Variants in PRKAR1A observed in about 807,000 individuals in gnomAD.
The protein encoded by PRKAR1A is cAMP-dependent protein kinase type I-alpha regulatory subunit.
PRKAR1A carries 3 observed loss-of-function variants against 52.0 expected under a neutral mutation model. That is an observed-to-expected ratio of 0.06 (90% CI 0.03 to 0.15). The LOEUF (loss-of-function observed/expected upper bound fraction) is 0.15, where lower values mean the gene tolerates loss of function less well. Among genes scored for constraint, PRKAR1A ranks in the 10% least tolerant of loss-of-function variants. The pLI is 1.00. For synonymous variants in PRKAR1A, 188 were observed against 168.4 expected (o/e 1.12, Z -0.90); for missense variants, 240 against 477.4 (o/e 0.50, Z 4.63).
At chr17:68,473,038 T>A in the PRKAR1A span, among the ~76,000 whole-genome samples, 1 of 152,182 alleles carries the variant, frequency 6.6e-6, no homozygotes, top group African/African-American at 2.4e-5. Context: ...ATTCACTAGG[T>A]CATCGACATA....
chr17:68,463,177 G>T, the PRKAR1A span, among the ~76,000 whole-genome samples: 1 of 152,172 alleles, frequency 6.6e-6, no homozygotes, highest in East Asian at 1.9e-4. Flanking sequence ...CTAGTGGTCT[G>T]TATGATTTAG....
At chr17:68,538,693 T>C (rs2086167933) in intron 11 of PRKAR1A, among the ~76,000 whole-genome samples, 1 of 152,240 alleles carries the variant, frequency 6.6e-6, no homozygotes, top group Non-Finnish European at 1.5e-5. Flanking sequence ...ATATGAATGC[T>C]GGGCAAAGCA....
the PRKAR1A span, chr17:68,421,737 A>AG: frequency 1.9e-6 from 3 of 1,611,626 alleles, no homozygotes; most frequent in Non-Finnish European, 1.7e-6. Context: ...ACCACCTGAT[A>AG]GGGGGGATGT....
downstream of PRKAR1A, chr17:68,536,101 C>A (rs1204194494): frequency 2.2e-6 from 1 of 454,096 alleles, no homozygotes; most frequent in South Asian, 1.6e-5. Context: ...CCAGGGGCAG[C>A]ATACCAGTCA....
the PRKAR1A span, among the ~76,000 whole-genome samples, chr17:68,485,398 A>C: frequency 8.1e-4 from 123 of 152,310 alleles, no homozygotes; most frequent in Middle Eastern, 6.8e-3. Context: ...AAAGAGAAAG[A>C]GCAAAGTAAA....
the PRKAR1A span, among the ~76,000 whole-genome samples, chr17:68,476,438 A>AT: frequency 6.6e-6 from 1 of 152,104 alleles, no homozygotes; most frequent in African/African-American, 2.4e-5. Flanking sequence ...ATATATGCAC[A>AT]TTGTTCAAAA....
At chr17:68,476,818 A>G in the PRKAR1A span, among the ~76,000 whole-genome samples, 1 of 152,018 alleles carries the variant, frequency 6.6e-6, no homozygotes, top group Non-Finnish European at 1.5e-5. Flanking sequence ...GTGTGCCACC[A>G]TGCCCAGCTA....
chr17:68,537,327 GC>G (rs1310194797), downstream of PRKAR1A: 2 of 958,734 alleles, frequency 2.1e-6, no homozygotes, highest in East Asian at 5.1e-5. The surrounding 1 kb of genome is among the most constrained non-coding windows in gnomAD (Gnocchi z 4.2). Flanking sequence ...AGTTCCATGG[GC>G]CCCACTTGCT....
At chr17:68,533,858 G>A (rs550202185), downstream of PRKAR1A, among the ~76,000 whole-genome samples, 1 of 152,246 alleles carries the variant, frequency 6.6e-6, no homozygotes, top group East Asian at 1.9e-4. Flanking sequence ...CTCTGGAATA[G>A]CTGGGACTAC....
At chr17:68,433,620 A>G in the PRKAR1A span, 1 of 1,505,954 alleles carries the variant, frequency 6.6e-7, no homozygotes, top group Admixed American at 1.7e-5. Flanking sequence ...GAGAAATGGG[A>G]GTTATGGCCT....
At chr17:68,465,604 G>A in the PRKAR1A span, among the ~76,000 whole-genome samples, 1 of 144,388 alleles carries the variant, frequency 6.9e-6, no homozygotes, top group East Asian at 2.0e-4. Flanking sequence ...ACAGACGTGC[G>A]GTGCGCGACC....
intron 2 of PRKAR1A, 174 bp downstream of exon 2, chr17:68,515,750 T>A: frequency 2.5e-6 from 2 of 805,946 alleles, no homozygotes; most frequent in Non-Finnish European, 3.8e-6. Flanking sequence ...TAAAAATTCT[T>A]AATTAGTAGA....
chr17:68,420,088 T>C, the PRKAR1A span: 79 of 1,338,540 alleles, frequency 5.9e-5, no homozygotes, highest in Admixed American at 1.5e-4. Context: ...TTTGGTTATC[T>C]GGTATGTTTG....
the PRKAR1A span, among the ~76,000 whole-genome samples, chr17:68,441,507 G>A: frequency 3.3e-5 from 5 of 152,174 alleles, no homozygotes; most frequent in African/African-American, 9.7e-5. Flanking sequence ...AAATAAACTA[G>A]AGGATGAGAA....
intron 8 of PRKAR1A, chr17:68,528,590 T>C: frequency 2.3e-6 from 1 of 435,850 alleles, no homozygotes; most frequent in Non-Finnish European, 4.1e-6. Flanking sequence ...TCAGGAATAC[T>C]TAAGGATTAC....
the PRKAR1A span, among the ~76,000 whole-genome samples, chr17:68,457,995 C>T: frequency 1.3e-4 from 20 of 152,212 alleles, no homozygotes; most frequent in African/African-American, 4.3e-4. Flanking sequence ...GTTCCCACCC[C>T]GCCCAGACCC....
the PRKAR1A span, among the ~76,000 whole-genome samples, chr17:68,500,925 G>A: frequency 6.6e-6 from 1 of 152,196 alleles, no homozygotes; most frequent in African/African-American, 2.4e-5. Flanking sequence ...GAGTAGAAAA[G>A]CAGTTAATGG....
At chr17:68,466,023 G>A in the PRKAR1A span, among the ~76,000 whole-genome samples, 2 of 152,170 alleles carry the variant, frequency 1.3e-5, no homozygotes, top group African/African-American at 4.8e-5. Flanking sequence ...AGGCAGGTCA[G>A]CATGGAGATT....
chr17:68,492,072 T>G, the PRKAR1A span, among the ~76,000 whole-genome samples: 22,380 of 152,254 alleles, frequency 0.15, 1,813 homozygotes, highest in African/African-American at 0.22. Context: ...CTGTGTCTTT[T>G]CTGCCATGCA....
Sources: allele counts gnomAD v4.1 joint callset (sites outside exome capture counted in the v4.1 genomes callset), GRCh38; gene constraint gnomAD v4.1.1; non-coding constraint Gnocchi (gnomAD v3.1); transcripts MANE v1.5; gene names NCBI Gene and HGNC (gene_info 2026-07-23, HGNC 2026-07-21).